CTBP2: variants seen among roughly 807,000 people sequenced by gnomAD.
CTBP2 encodes the protein C-terminal binding protein 2.
CTBP2 carries 30 observed loss-of-function variants against 80.3 expected under a neutral mutation model. The ratio of observed to expected loss-of-function variants is 0.37; its 90% confidence interval spans 0.28 to 0.51. The LOEUF is 0.51. Among genes scored for constraint, CTBP2 ranks in the 20% least tolerant of loss-of-function variants. The pLI is 0.93. For synonymous variants in CTBP2, 594 were observed against 587.4 expected (o/e 1.01, Z -0.16); for missense variants, 1,212 against 1,375.3 (o/e 0.88, Z 1.88).
Position 124,985,226 on chromosome 10 carries a change from C to A in CTBP2, c.*4292G>T. 2 of 434,044 alleles carry A rather than the reference C, an allele frequency of 4.6e-6. No individual in the cohort carries two copies. The highest frequency in any genetic ancestry group is 4.0e-5 in the Admixed American group (1 of 25,068). The allele number at this position is 434,044 out of a possible 1,614,324, so 26.9% of individuals were successfully genotyped here. A position where few individuals can be genotyped will look rare whatever the true frequency, so the allele number is the denominator to read the frequency against. ...GTAAAAAAAACTAATTTTATTAAGA[C>A]AGAACTTTTTTTCCTTCCAAATTGT... is the stretch of plus-strand genomic sequence containing the variant. On this transcript the variant is annotated 3_prime_UTR_variant, in exon 9 of 9. Transcript: ENST00000309035.
At chr10:125,047,973 A>AT (rs1961686005) in intron 2 of CTBP2, among the ~76,000 whole-genome samples, 1 of 152,138 alleles carries the variant, frequency 6.6e-6, no homozygotes. Flanking sequence ...TTGCCTTTGA[A>AT]TTTTGCCTCA....
At chr10:125,036,292 G>A (rs1372010207) in intron 3 of CTBP2, among the ~76,000 whole-genome samples, 2 of 152,170 alleles carry the variant, frequency 1.3e-5, no homozygotes, top group African/African-American at 2.4e-5. Flanking sequence ...CGGAGTACCT[G>A]GAGTGGGACC....
intron 1 of CTBP2, among the ~76,000 whole-genome samples, chr10:125,135,761 G>A (rs1232950349): frequency 5.3e-5 from 8 of 152,110 alleles, no homozygotes; most frequent in African/African-American, 1.4e-4. Flanking sequence ...CTCACCACTC[G>A]GGACACTTCT....
At chr10:125,113,152 A>T (rs1210754579) in intron 1 of CTBP2, among the ~76,000 whole-genome samples, 3 of 152,364 alleles carry the variant, frequency 2.0e-5, no homozygotes, top group African/African-American at 7.2e-5. Context: ...GGAGACAGAC[A>T]TTCCAGCCTC....
At chr10:125,127,842 A>C (rs956056645) in intron 1 of CTBP2, among the ~76,000 whole-genome samples, 4 of 152,170 alleles carry the variant, frequency 2.6e-5, no homozygotes, top group African/African-American at 7.2e-5. Flanking sequence ...ACTGTCGTGA[A>C]ATTTTTGGTT....
chr10:125,112,770 T>C (rs1590856694), intron 1 of CTBP2, among the ~76,000 whole-genome samples: 1 of 152,236 alleles, frequency 6.6e-6, no homozygotes, highest in Non-Finnish European at 1.5e-5. Context: ...AAGCTGTAGA[T>C]ACCTAAAAGA....
upstream of CTBP2, among the ~76,000 whole-genome samples, chr10:125,030,664 T>G (rs1958078444): frequency 6.6e-6 from 1 of 152,216 alleles, no homozygotes; most frequent in South Asian, 2.1e-4. Context: ...ACAGGTGGGA[T>G]CAGTGAGTCT....
chr10:124,992,720 G>T lies in CTBP2; in HGVS notation c.2752C>A (p.Pro918Thr), dbSNP rs774349850. 1.2e-6 allele frequency: 2 copies of T among 1,607,788 alleles called. No homozygotes were observed. Among genetic ancestry groups the T allele is most frequent in the East Asian group, 2.2e-5 (1 of 44,826 alleles). The stretch of plus-strand genomic sequence containing the variant: ...CTGTATGTGGCACCATTGAGCTCAG[G>T]ATGAATTGCTTGCTGGTCTATTACT... Residue 918 changes from proline (P) to threonine (T), a missense_variant, in exon 8 of 9, where the codon CCT becomes ACT. By Grantham distance (38) the Pro-to-Thr change is conservative (BLOSUM62 -1). Transcript: ENST00000309035.
At chr10:125,080,838 G>A (rs1847062120) in intron 2 of CTBP2, among the ~76,000 whole-genome samples, 1 of 151,944 alleles carries the variant, frequency 6.6e-6, no homozygotes, top group South Asian at 2.1e-4. Flanking sequence ...CACTTTTAAC[G>A]TTCAGTGGAG....
chr10:125,078,847 G>A (rs1846707528), intron 2 of CTBP2, among the ~76,000 whole-genome samples: 1 of 151,822 alleles, frequency 6.6e-6, no homozygotes, highest in Admixed American at 6.6e-5. Context: ...AAAAAATTTG[G>A]AATAACCAGG....
At chr10:125,024,211 C>T (rs1176984928) in intron 1 of CTBP2, among the ~76,000 whole-genome samples, 5 of 152,206 alleles carry the variant, frequency 3.3e-5, no homozygotes, top group South Asian at 4.1e-4. Flanking sequence ...CTACCAGGGA[C>T]GCCAGCCCCT....
chr10:125,027,279 CG>C lies in CTBP2; in HGVS notation c.480del (p.Asp160GlufsTer13). The C allele has an allele frequency of 6.2e-7, 1 of 1,613,678 alleles. No individual in the cohort carries two copies. The highest frequency in any genetic ancestry group is 8.5e-7 in the Non-Finnish European group (1 of 1,179,974). ...CCAGGATCCCGGTACAGGTGACCGG[CG>C]TCCTGCAGGGCAGGTGACCGGCCTT... is the stretch of plus-strand genomic sequence containing the variant. On this transcript the variant is annotated frameshift_variant, in exon 1 of 9. Transcript: ENST00000309035. LOFTEE classifies it high-confidence loss of function.
At chr10:125,038,887 A>G (rs932011143) in intron 3 of CTBP2, 110 bp downstream of exon 3, 1 of 1,072,072 alleles carries the variant, frequency 9.3e-7, no homozygotes, top group African/African-American at 1.6e-5. Flanking sequence ...TTGGAATCGG[A>G]GGAGGGACTC....
At chr10:125,142,580 G>C (rs1268468926) in intron 1 of CTBP2, among the ~76,000 whole-genome samples, 1 of 152,236 alleles carries the variant, frequency 6.6e-6, no homozygotes, top group Non-Finnish European at 1.5e-5. Flanking sequence ...GTCAAGACTT[G>C]CAGAACTGCA....
intron 1 of CTBP2, among the ~76,000 whole-genome samples, chr10:125,126,467 G>A (rs2225079): frequency 0.24 from 35,945 of 152,122 alleles, 4,251 homozygotes; most frequent in African/African-American, 0.27. Flanking sequence ...GGAAGCACCA[G>A]AAAATGCCAT....
At chr10:125,001,386 G>A (rs1954485655) in intron 3 of CTBP2, 1 of 152,246 alleles carries the variant, frequency 6.6e-6, no homozygotes, top group African/African-American at 2.4e-5. Context: ...TGGGATTTCA[G>A]CTCTACCCAG....
At chr10:125,119,098 C>T (rs1590901201) in intron 1 of CTBP2, among the ~76,000 whole-genome samples, 1 of 152,304 alleles carries the variant, frequency 6.6e-6, no homozygotes, top group East Asian at 1.9e-4. Context: ...CAGGGTATCC[C>T]AAGGACACCT....
intron 2 of CTBP2, among the ~76,000 whole-genome samples, chr10:125,095,979 G>A (rs1371464781): frequency 6.6e-6 from 1 of 152,100 alleles, no homozygotes; most frequent in African/African-American, 2.4e-5. Flanking sequence ...TAACGCAGCC[G>A]TTTCTAGGAA....
intron 1 of CTBP2, among the ~76,000 whole-genome samples, chr10:125,016,647 G>T (rs976307100): frequency 6.6e-6 from 1 of 152,252 alleles, no homozygotes; most frequent in African/African-American, 2.4e-5. Context: ...AGAGGAAAGT[G>T]ATCCGCGAGG....
Sources: gnomAD v4.1 joint callset for allele counts (sites outside exome capture counted in the v4.1 genomes callset) on GRCh38, gnomAD v4.1.1 for gene constraint, MANE v1.5 for transcripts, NCBI Gene and HGNC (gene_info 2026-07-23, HGNC 2026-07-21) for gene names.